COL15A1: variants seen among roughly 807,000 people sequenced by gnomAD.
COL15A1 encodes collagen alpha-1(XV) chain.
Under a neutral mutation model 165.9 loss-of-function variants are expected in COL15A1, and 111 were observed. The observed-to-expected ratio is 0.67, with a 90% CI of 0.57 to 0.78. The LOEUF is 0.78. Ranked by LOEUF, COL15A1 falls within the 30% of genes least tolerant of loss-of-function variation. The pLI, the probability that COL15A1 is intolerant of heterozygous loss-of-function variation, is 0.00. For synonymous variants in COL15A1, 659 were observed against 674.8 expected, an observed-to-expected ratio of 0.98 and a Z score of 0.36; for missense variants, 1,745 against 1,789.7, an observed-to-expected ratio of 0.98 and a Z score of 0.45.
intron 2 of COL15A1, among the ~76,000 whole-genome samples, chr9:98,955,127 A>C (rs1837754557): frequency 6.6e-6 from 1 of 152,222 alleles, no homozygotes; most frequent in Non-Finnish European, 1.5e-5. Flanking sequence ...TACATCTGAG[A>C]TAAGGTCCAG....
chr9:98,997,193 C>A, intron 6 of COL15A1, 112 bp downstream of exon 6: 1 of 1,349,230 alleles, frequency 7.4e-7, no homozygotes, highest in Non-Finnish European at 1.0e-6. Context: ...TCCCCTCAAC[C>A]CTTTAAGAAA....
At chr9:99,001,751 C>T (rs1838659576) in intron 7 of COL15A1, among the ~76,000 whole-genome samples, 2 of 152,086 alleles carry the variant, frequency 1.3e-5, no homozygotes, top group African/African-American at 4.8e-5. Flanking sequence ...CAGGGGCTGG[C>T]CCACCTGGAG....
At chr9:98,984,802 G>C (rs1838282400) in intron 2 of COL15A1, among the ~76,000 whole-genome samples, 1 of 151,968 alleles carries the variant, frequency 6.6e-6, no homozygotes, top group African/African-American at 2.4e-5. Flanking sequence ...TTTTGTTTTT[G>C]TTTTTTTGAG....
chr9:98,991,930 G>C (rs541114246), intron 5 of COL15A1, among the ~76,000 whole-genome samples: 1 of 152,224 alleles, frequency 6.6e-6, no homozygotes, highest in Admixed American at 6.5e-5. Context: ...TAGACACAGA[G>C]CACTGATTGG....
At chr9:99,063,453 C>G (rs1429579589) in intron 39 of COL15A1, among the ~76,000 whole-genome samples, 1 of 152,042 alleles carries the variant, frequency 6.6e-6, no homozygotes, top group Non-Finnish European at 1.5e-5. Flanking sequence ...CCTGTAATTG[C>G]TAGTATTAAA....
intron 2 of COL15A1, among the ~76,000 whole-genome samples, chr9:98,968,091 C>G (rs1837986413): frequency 6.6e-6 from 1 of 152,178 alleles, no homozygotes; most frequent in Non-Finnish European, 1.5e-5. Context: ...AAACCTGGCC[C>G]AGCCACTTGC....
chr9:98,965,238 G>A (rs1837937482), intron 2 of COL15A1, among the ~76,000 whole-genome samples: 2 of 152,162 alleles, frequency 1.3e-5, no homozygotes, highest in South Asian at 4.1e-4. Context: ...ATCTGCCAAG[G>A]CACCCGGTTG....
chr9:98,970,682 G>T (rs1404911714), intron 2 of COL15A1, among the ~76,000 whole-genome samples: 1 of 152,122 alleles, frequency 6.6e-6, no homozygotes, highest in Non-Finnish European at 1.5e-5. Flanking sequence ...AATTGCTTGG[G>T]TGTATGTATA....
chr9:99,034,464 G>T, intron 16 of COL15A1, 85 bp from the exon 17 acceptor site: 1 of 1,501,712 alleles, frequency 6.7e-7, no homozygotes. Context: ...TATTTCCTTG[G>T]AGTCCATAAT....
rs74564608 is a variant in COL15A1, at chr9:98,996,499, C to T, written c.805-435C>T. ...AAGTTTCCTCGGAAGGAACCACACCCGTCTTTCATTTTCATAGGTGTTTTC... is the reference window on the plus strand; with the variant it reads ...AAGTTTCCTCGGAAGGAACCACACCTGTCTTTCATTTTCATAGGTGTTTTC... On this transcript the variant is annotated intron_variant, in intron 5 of 41. Coordinates refer to ENST00000375001, the MANE Select transcript of COL15A1 (RefSeq NM_001855.5). 9.3e-3 allele frequency among the ~76,000 whole-genome samples: 1,421 copies of T among 152,256 alleles called. 19 individuals carry two copies. Among genetic ancestry groups the T allele is most frequent in the African/African-American group, 0.033 (1,367 of 41,542 alleles).
intron 9 of COL15A1, among the ~76,000 whole-genome samples, chr9:99,010,985 ATT>A (rs148589320): frequency 6.6e-6 from 1 of 152,058 alleles, no homozygotes; most frequent in Non-Finnish European, 1.5e-5. Flanking sequence ...AAGATAAAAC[ATT>A]TTTTTAGCAT....
chr9:99,045,659 G>A (rs959546412), intron 26 of COL15A1, among the ~76,000 whole-genome samples: 7 of 152,178 alleles, frequency 4.6e-5, no homozygotes, highest in Non-Finnish European at 7.3e-5. Flanking sequence ...TTATAGATGA[G>A]GAAACTAAGG....
intron 16 of COL15A1, among the ~76,000 whole-genome samples, chr9:99,028,566 G>A (rs542879140): frequency 5.9e-5 from 9 of 152,054 alleles, no homozygotes; most frequent in South Asian, 4.2e-4. Context: ...TGGGAGAATC[G>A]CTTGACCCGG....
At chr9:98,990,713 C>T (rs536415582) in intron 5 of COL15A1, among the ~76,000 whole-genome samples, 1 of 152,062 alleles carries the variant, frequency 6.6e-6, no homozygotes, top group Non-Finnish European at 1.5e-5. Context: ...GGAGGGGGCA[C>T]CAGAGCTGGG....
At chr9:98,956,750 A>G (rs1327416238) in intron 2 of COL15A1, among the ~76,000 whole-genome samples, 3 of 152,230 alleles carry the variant, frequency 2.0e-5, no homozygotes, top group Non-Finnish European at 4.4e-5. Context: ...CGTGTGGTCC[A>G]TGGACCAGCA....
At chr9:98,955,091 T>C (rs1034610517) in intron 2 of COL15A1, among the ~76,000 whole-genome samples, 2 of 152,242 alleles carry the variant, frequency 1.3e-5, no homozygotes, top group African/African-American at 4.8e-5. Context: ...TGGTGCCCAG[T>C]CCTCCAGCTC....
At position 99,046,798 on chromosome 9, in the gene COL15A1, A is replaced by G. The variant is rs557278794; in HGVS notation, c.2680-988A>G. ...AGATTTGGGTGGGCACACAAAGCCA[A>G]ACCATATCAGGAAGTGTTGCACTAG... On this transcript the variant is annotated intron_variant, in intron 26 of 41. Transcript: ENST00000375001. 1.9e-3 allele frequency among the ~76,000 whole-genome samples: 284 copies of G among 152,362 alleles called. 3 individuals are homozygous for G. The highest frequency in any genetic ancestry group is 1.6e-3 in the Non-Finnish European group (110 of 68,034).
At chr9:99,059,063 G>T (rs1031418829) in intron 35 of COL15A1, among the ~76,000 whole-genome samples, 1 of 152,172 alleles carries the variant, frequency 6.6e-6, no homozygotes, top group Non-Finnish European at 1.5e-5. Flanking sequence ...TAAAGTAAGG[G>T]CTTTTCAGTT....
intron 16 of COL15A1, among the ~76,000 whole-genome samples, 169 bp downstream of exon 16, chr9:99,026,135 A>G (rs1839120212): frequency 6.6e-6 from 1 of 152,120 alleles, no homozygotes; most frequent in Non-Finnish European, 1.5e-5. Context: ...CATCATGCCC[A>G]AGCCTGAACT....
Sources: allele counts gnomAD v4.1 joint callset (sites outside exome capture counted in the v4.1 genomes callset), GRCh38; gene constraint gnomAD v4.1.1; transcripts MANE v1.5; gene names NCBI Gene and HGNC (gene_info 2026-07-23, HGNC 2026-07-21).